CSMD1: variants seen among roughly 807,000 people sequenced by gnomAD.
The protein encoded by CSMD1 is CUB and Sushi multiple domains 1.
A neutral mutation model predicts 417.5 loss-of-function variants in CSMD1; 213 were observed. That is an observed-to-expected ratio of 0.51 (90% CI 0.46 to 0.57). CSMD1 has a LOEUF of 0.57. Ranked by LOEUF, CSMD1 falls within the 20% of genes least tolerant of loss-of-function variation. The probability of loss-of-function intolerance (pLI) is 0.00; values close to 1 mark genes in which losing one functional copy is unlikely to be tolerated. For missense variants in CSMD1, 6,923 were observed against 4,529.7 expected (o/e 1.53, Z -15.17); for synonymous variants, 2,862 against 1,736.8 (o/e 1.65, Z -16.11).
chr8:3,634,610 G>C (rs138756704), intron 7 of CSMD1, among the ~76,000 whole-genome samples: 12 of 152,144 alleles, frequency 7.9e-5, no homozygotes, highest in Middle Eastern at 6.8e-3. Context: ...CCTGAGCTCT[G>C]TGCAGCCTTC....
At chr8:3,692,109 C>T (rs915381090) in intron 7 of CSMD1, among the ~76,000 whole-genome samples, 1 of 152,166 alleles carries the variant, frequency 6.6e-6, no homozygotes, top group Non-Finnish European at 1.5e-5. Context: ...TCTGGAGAGG[C>T]CTGGGGAAGC....
intron 1 of CSMD1, among the ~76,000 whole-genome samples, chr8:4,942,364 G>A (rs1808063224): frequency 1.3e-5 from 2 of 152,012 alleles, no homozygotes; most frequent in African/African-American, 4.8e-5. Context: ...TACCCTTGTA[G>A]TTTGATGTTT....
chr8:3,610,119 G>C (rs947685474), intron 8 of CSMD1, among the ~76,000 whole-genome samples: 5 of 151,924 alleles, frequency 3.3e-5, no homozygotes, highest in Non-Finnish European at 5.9e-5. Flanking sequence ...TTATATGAGA[G>C]GCCCACCATG....
At chr8:4,773,303 G>A (rs1248714150) in intron 1 of CSMD1, among the ~76,000 whole-genome samples, 1 of 152,164 alleles carries the variant, frequency 6.6e-6, no homozygotes, top group Non-Finnish European at 1.5e-5. Context: ...GCAGTTTGGT[G>A]TTTATAAACT....
intron 2 of CSMD1, among the ~76,000 whole-genome samples, chr8:4,528,277 A>G (rs1393419353): frequency 6.6e-6 from 1 of 152,172 alleles, no homozygotes; most frequent in Middle Eastern, 3.4e-3. Flanking sequence ...ATTAATCCCT[A>G]CCTCTCTAGA....
At chr8:3,304,062 C>T (rs369890557) in intron 25 of CSMD1, among the ~76,000 whole-genome samples, 1 of 152,038 alleles carries the variant, frequency 6.6e-6, no homozygotes. Context: ...CAATAATTGG[C>T]CTAAAGTAAA....
At chr8:3,540,251 A>G (rs1429849843) in intron 10 of CSMD1, among the ~76,000 whole-genome samples, 1 of 152,198 alleles carries the variant, frequency 6.6e-6, no homozygotes, top group Non-Finnish European at 1.5e-5. Context: ...TCCTGATTCA[A>G]CTTACTTGCA....
chr8:3,224,950 G>A (rs1356249677), intron 27 of CSMD1, among the ~76,000 whole-genome samples: 1 of 152,176 alleles, frequency 6.6e-6, no homozygotes, highest in Non-Finnish European at 1.5e-5. Flanking sequence ...TTGTCACCAA[G>A]TTGTTTTAAA....
chr8:3,263,007 C>T (rs1303025956), intron 26 of CSMD1, among the ~76,000 whole-genome samples: 1 of 152,166 alleles, frequency 6.6e-6, no homozygotes, highest in Non-Finnish European at 1.5e-5. Flanking sequence ...TTAAGCTAGG[C>T]AATAAATCTC....
Position 4,937,741 on chromosome 8 carries a change from G to A in CSMD1, c.85+56591C>T, listed in dbSNP as rs181597562. The stretch of plus-strand genomic sequence containing the variant: ...TTTACGCCTGAGCAGAGTAAGATAA[G>A]TGTGATCTGATCTAGAGAGAAGTTT... On this transcript the variant is annotated intron_variant, in intron 1 of 69. Transcript: ENST00000635120. Among the ~76,000 whole-genome samples the A allele has an allele frequency of 2.6e-3, 400 of 152,130 alleles. 2 individuals carry two copies. The highest frequency in any genetic ancestry group is 3.9e-3 in the Non-Finnish European group (265 of 67,990).
At chr8:3,023,004 T>C (rs956030745) in intron 51 of CSMD1, among the ~76,000 whole-genome samples, 2 of 152,234 alleles carry the variant, frequency 1.3e-5, no homozygotes, top group African/African-American at 4.8e-5. Context: ...TAGCTGGGCA[T>C]TGACTTGTGA....
Position 2,955,573 on chromosome 8 carries a change from T to G in CSMD1, c.9994+16A>C, listed in dbSNP as rs1471833216. ...GCTCTTTGGAAAAGTATGCCACTCC[T>G]TGATCAATGACTTACTTTTACACAC... On this transcript the variant is annotated intron_variant, in intron 64 of 69. Coordinates refer to ENST00000635120, the MANE Select transcript of CSMD1 (RefSeq NM_033225.6). 6.2e-7 allele frequency: 1 copy of G among 1,612,610 alleles called. No individual in the cohort carries two copies. The highest frequency in any genetic ancestry group is 1.3e-5 in the African/African-American group (1 of 74,908).
chr8:4,287,483 A>G lies in CSMD1; in HGVS notation c.415+132470T>C, dbSNP rs1159294918. ...TAGAAATGACAAGCCCAGGAAACTT[A>G]CTTTACATTCTAAGACTTAATATTT... On this transcript the variant is annotated intron_variant, in intron 3 of 69. Coordinates refer to ENST00000635120, the MANE Select transcript of CSMD1 (RefSeq NM_033225.6). Among the ~76,000 whole-genome samples, 3 of 152,092 alleles carry G rather than the reference A, an allele frequency of 2.0e-5. No homozygotes were observed. The East Asian group carries it at 5.8e-4, about 29-fold the overall frequency.
At chr8:3,554,955 G>A (rs1156334029) in intron 10 of CSMD1, among the ~76,000 whole-genome samples, 1 of 152,164 alleles carries the variant, frequency 6.6e-6, no homozygotes, top group East Asian at 2.0e-4. Flanking sequence ...GTGTTAAAGA[G>A]AAGCCCAGAC....
At chr8:3,045,482 C>T (rs1811374624) in intron 50 of CSMD1, among the ~76,000 whole-genome samples, 1 of 152,090 alleles carries the variant, frequency 6.6e-6, no homozygotes, top group African/African-American at 2.4e-5. Flanking sequence ...ATACATTTAC[C>T]TGTGAACTGC....
At chr8:4,414,260 A>G (rs1796805858) in intron 3 of CSMD1, among the ~76,000 whole-genome samples, 1 of 152,154 alleles carries the variant, frequency 6.6e-6, no homozygotes, top group Non-Finnish European at 1.5e-5. Flanking sequence ...TGCCACACAT[A>G]TTCAGCCAAC....
intron 23 of CSMD1, among the ~76,000 whole-genome samples, chr8:3,341,985 G>C (rs534377082): frequency 6.6e-6 from 1 of 152,282 alleles, no homozygotes; most frequent in South Asian, 2.1e-4. Flanking sequence ...AGCTCTTTGA[G>C]ACATTTCTGA....
intron 10 of CSMD1, among the ~76,000 whole-genome samples, chr8:3,556,541 CACACACACA>C (rs1160536818): frequency 0.018 from 2,753 of 149,298 alleles, 90 homozygotes; most frequent in African/African-American, 0.062. Flanking sequence ...CACACACACA[CACACACACA>C]CCCTCTCTCT....
chr8:3,627,361 T>C (rs1013322535), intron 7 of CSMD1, among the ~76,000 whole-genome samples: 3 of 152,174 alleles, frequency 2.0e-5, no homozygotes, highest in African/African-American at 4.8e-5. Flanking sequence ...ATTTCACAGA[T>C]CATGAATTAT....
Sources: allele counts gnomAD v4.1 joint callset (sites outside exome capture counted in the v4.1 genomes callset), GRCh38; gene constraint gnomAD v4.1.1; transcripts MANE v1.5; gene names NCBI Gene and HGNC (gene_info 2026-07-23, HGNC 2026-07-21).